The following SPNS2 variants were observed in gnomAD, a reference collection of about 807,000 sequenced individuals.
SPNS2 encodes the protein SPNS lysolipid transporter 2, sphingosine-1-phosphate.
Under a neutral mutation model 57.6 loss-of-function variants are expected in SPNS2, and 37 were observed. That is an observed-to-expected ratio of 0.64 (90% confidence interval 0.49 to 0.85). The LOEUF is 0.85. Ranked by LOEUF, SPNS2 falls within the 40% of genes least tolerant of loss-of-function variation. SPNS2 has a pLI of 0.00. For synonymous variants in SPNS2, 440 were observed against 346.9 expected, an observed-to-expected ratio of 1.27 and a Z score of -2.98; for missense variants, 831 against 779.1, an observed-to-expected ratio of 1.07 and a Z score of -0.79.
Position 4,501,113 on chromosome 17 carries a change from G to A in SPNS2, c.370+1696G>A, listed in dbSNP as rs78860061. ...GGACCAATGTCCCTGTACAGCCCCC[G>A]TTCAAGATGGCCAGGAAAGTGACTG... On this transcript the variant is annotated intron_variant, in intron 1 of 12. Transcript: ENST00000329078. Among the ~76,000 whole-genome samples, 874 of 152,292 alleles carry A rather than the reference G, an allele frequency of 5.7e-3. 9 individuals carry two copies. Among genetic ancestry groups the A allele is most frequent in the African/African-American group, 0.02 (822 of 41,558 alleles).
chr17:4,532,723 G>C (rs764425428), intron 6 of SPNS2, 39 bp downstream of exon 6: 42 of 1,601,736 alleles, frequency 2.6e-5, no homozygotes, highest in Non-Finnish European at 3.4e-5. Context: ...GAAGAGAGAG[G>C]GGTGCTGAGA....
intron 2 of SPNS2, among the ~76,000 whole-genome samples, chr17:4,517,482 A>C (rs564852992): frequency 6.6e-6 from 1 of 152,088 alleles, no homozygotes; most frequent in Admixed American, 6.5e-5. Flanking sequence ...AACATGGTGA[A>C]CCCCATCTCT....
At chr17:4,521,278 C>G (rs974178182) in intron 2 of SPNS2, among the ~76,000 whole-genome samples, 6 of 152,228 alleles carry the variant, frequency 3.9e-5, no homozygotes, top group African/African-American at 1.4e-4. Flanking sequence ...TCCTCCTCCC[C>G]CAACATGTGT....
At chr17:4,530,580 C>A in intron 3 of SPNS2, 52 bp from the exon 4 acceptor site, 1 of 1,574,934 alleles carries the variant, frequency 6.3e-7, no homozygotes, top group South Asian at 1.2e-5. Flanking sequence ...CAAGGGATGA[C>A]AGGCAGACGG....
rs909765657 is a variant in SPNS2 at position 4,512,036 on chromosome 17, T to C, written c.371-1211T>C. ...AACTTGGATCCTAGTACCAGCCTCC[T>C]AGGGCTGTGTGGGGATTATACAGGC... On this transcript the variant is annotated intron_variant, in intron 1 of 12. Coordinates refer to ENST00000329078, the MANE Select transcript of SPNS2 (RefSeq NM_001124758.3). This position sits in a 1 kb window ranked among gnomAD's most constrained non-coding sequence, Gnocchi z 5.2. Among the ~76,000 whole-genome samples the C allele has an allele frequency of 1.3e-5, 2 of 152,198 alleles. No individual in the cohort carries two copies. Among genetic ancestry groups the C allele is most frequent in the Non-Finnish European group, 2.9e-5 (2 of 68,028 alleles).
At position 4,538,934 on chromosome 17, in the gene SPNS2, GCTC is replaced by G. The variant is rs778911206; in HGVS notation, c.*1489_*1491del. The G allele has an allele frequency of 1.1e-5, 9 of 783,014 alleles. No individual in the cohort carries two copies. Among genetic ancestry groups the G allele is most frequent in the Non-Finnish European group, 1.9e-5 (8 of 420,038 alleles). 48.5% of individuals were successfully genotyped at this position (783,014 alleles called of 1,614,324 possible). A position where few individuals can be genotyped will look rare whatever the true frequency, so the allele number is the denominator to read the frequency against. On this transcript the variant is annotated 3_prime_UTR_variant, in exon 13 of 13. Transcript: ENST00000329078. ...TCCTCTTCCTTCCGGAAGCCAAACT[GCTC>G]CTTTATTTTTTAGAGCTGCTGATTG... is the stretch of plus-strand genomic sequence containing the variant.
chr17:4,533,135 G>GCCCCGCGGGGTGGGC lies in SPNS2; in HGVS notation c.1088+9_1088+23dup, dbSNP rs766194951. ...CCCTGTGGGGCCAAGGACAGGTGGG[G>GCCCCGCGGGGTGGGC]CCCCGCGGGGTGGGCCCAGGGCTGG... On this transcript the variant is annotated splice_region_variant and intron_variant, in intron 7 of 12. Coordinates refer to ENST00000329078, the MANE Select transcript of SPNS2 (RefSeq NM_001124758.3). 130 of 1,604,214 alleles carry GCCCCGCGGGGTGGGC rather than the reference G, an allele frequency of 8.1e-5. No homozygotes were observed. The highest frequency in any genetic ancestry group is 4.5e-5 in the Non-Finnish European group (53 of 1,175,004).
chr17:4,511,750 G>C lies in SPNS2; in HGVS notation c.371-1497G>C, dbSNP rs1904833783. Among the ~76,000 whole-genome samples, 1 of 152,206 alleles carries C rather than the reference G, an allele frequency of 6.6e-6. No individual in the cohort carries two copies. Among genetic ancestry groups the C allele is most frequent in the African/African-American group, 2.4e-5 (1 of 41,446 alleles). The stretch of plus-strand genomic sequence containing the variant: ...GTCAACCCACTCAGGGCATTAACAA[G>C]GAGGAAGACAGCTTCTCTGGCTGTC... On this transcript the variant is annotated intron_variant, in intron 1 of 12. Coordinates refer to ENST00000329078, the MANE Select transcript of SPNS2 (RefSeq NM_001124758.3). This position sits in a 1 kb window ranked among gnomAD's most constrained non-coding sequence, Gnocchi z 4.6.
In SPNS2 at chr17:4,513,389, C is replaced by T. The variant is rs1048975160; in HGVS notation, c.436+77C>T. 2.7e-6 allele frequency: 4 copies of T among 1,483,544 alleles called. No individual in the cohort carries two copies. In the African/African-American group the frequency reaches 4.1e-5, roughly 15 times the overall value. 91.9% of individuals were successfully genotyped at this position (1,483,544 alleles called of 1,614,324 possible). ...GTCCTGTCCTGTTGGTCGTCATCTG[C>T]CACCCGGTCTGTCTTCCCCTGTCCT... On this transcript the variant is annotated intron_variant, in intron 2 of 12. Coordinates refer to ENST00000329078, the MANE Select transcript of SPNS2 (RefSeq NM_001124758.3).
chr17:4,508,527 G>A (rs1357962908), intron 1 of SPNS2, among the ~76,000 whole-genome samples: 1 of 152,128 alleles, frequency 6.6e-6, no homozygotes, highest in Non-Finnish European at 1.5e-5. Context: ...GAAAAGTCAT[G>A]GCTAGCAGCA....
intron 11 of SPNS2, chr17:4,536,684 C>G (rs372974554): frequency 1.6e-6 from 1 of 637,706 alleles, no homozygotes; most frequent in Non-Finnish European, 2.7e-6. Context: ...GGGGCCCCTC[C>G]CCTTCCTCTT....
chr17:4,538,090 C>G lies in SPNS2; in HGVS notation c.*642C>G. On this transcript the variant is annotated 3_prime_UTR_variant, in exon 13 of 13. Coordinates refer to ENST00000329078, the MANE Select transcript of SPNS2 (RefSeq NM_001124758.3). The stretch of plus-strand genomic sequence containing the variant: ...TGTCTCACTGTCTCGGGTTGGCTCC[C>G]AGCCTGGAGGTCCCAGATGGGGACT... The G allele has an allele frequency of 3.0e-6, 1 of 334,818 alleles. No homozygotes were observed. Among genetic ancestry groups the G allele is most frequent in the South Asian group, 2.4e-5 (1 of 41,870 alleles). The allele number at this position is 334,818 out of a possible 1,614,324, so 20.7% of individuals were successfully genotyped here.
intron 3 of SPNS2, 37 bp from the exon 4 acceptor site, chr17:4,530,595 T>C (rs1905419421): frequency 1.3e-6 from 2 of 1,589,132 alleles, no homozygotes; most frequent in African/African-American, 1.3e-5. Flanking sequence ...AGACGGTGGG[T>C]AGTCGGTCCC....
chr17:4,513,334 C>T, intron 2 of SPNS2, 22 bp downstream of exon 2: 1 of 1,610,340 alleles, frequency 6.2e-7, no homozygotes, highest in Non-Finnish European at 8.5e-7. Context: ...CTCCCACCTT[C>T]CCCCCCACGC....
Position 4,509,919 on chromosome 17 carries a change from G to C in SPNS2, c.371-3328G>C, listed in dbSNP as rs891409522. On this transcript the variant is annotated intron_variant, in intron 1 of 12. Coordinates refer to ENST00000329078, the MANE Select transcript of SPNS2 (RefSeq NM_001124758.3). ...GGGGTGGGCTTGGCCTGAGCTGTGG[G>C]AGGCTGCTCCTGGGCGTGAGGCCCA... Among the ~76,000 whole-genome samples, 3 of 152,238 alleles carry C rather than the reference G, an allele frequency of 2.0e-5. No individual in the cohort carries two copies. The South Asian group carries it at 6.2e-4, about 32-fold the overall frequency.
At chr17:4,508,977 G>A (rs767335926) in intron 1 of SPNS2, among the ~76,000 whole-genome samples, 9 of 152,208 alleles carry the variant, frequency 5.9e-5, no homozygotes, top group Non-Finnish European at 1.0e-4. Context: ...GAGGGATGCC[G>A]GCTGGCCGGC....
At chr17:4,506,266 G>A (rs961589677) in intron 1 of SPNS2, among the ~76,000 whole-genome samples, 1 of 152,194 alleles carries the variant, frequency 6.6e-6, no homozygotes, top group African/African-American at 2.4e-5. Context: ...GGAGAAGGCT[G>A]AGGGTTTGTG....
chr17:4,537,096 T>G (rs1435378264), intron 12 of SPNS2, 150 bp downstream of exon 12: 1 of 862,512 alleles, frequency 1.2e-6, no homozygotes, highest in Non-Finnish European at 1.8e-6. Flanking sequence ...GTTGCCAGAA[T>G]TTACTGATGG....
At chr17:4,501,276 C>T (rs970975470) in intron 1 of SPNS2, among the ~76,000 whole-genome samples, 38 of 152,126 alleles carry the variant, frequency 2.5e-4, no homozygotes, top group African/African-American at 8.7e-4. Flanking sequence ...CCCCAGACCA[C>T]CCCCTTTGAC....
Sources: gnomAD v4.1 joint callset for allele counts (sites outside exome capture counted in the v4.1 genomes callset) on GRCh38, gnomAD v4.1.1 for gene constraint, Gnocchi (gnomAD v3.1) non-coding constraint, MANE v1.5 for transcripts, NCBI Gene and HGNC (gene_info 2026-07-23, HGNC 2026-07-21) for gene names.